Variants in GCLC observed in about 807,000 individuals in gnomAD.
GCLC encodes glutamate--cysteine ligase catalytic subunit.
In GCLC, 30 loss-of-function variants were observed where a neutral mutation model predicts 81.5. The ratio of observed to expected loss-of-function variants is 0.37; its 90% confidence interval spans 0.28 to 0.50. The LOEUF is 0.50. Among genes scored for constraint, GCLC ranks in the 20% least tolerant of loss-of-function variants. The pLI is 0.96. For missense variants in GCLC, 556 were observed against 777.4 expected (o/e 0.72, Z 3.39); for synonymous variants, 262 against 273.3 (o/e 0.96, Z 0.41).
In GCLC at chr6:53,516,174, C is replaced by T. The variant is rs1164475648; in HGVS notation, c.495G>A (p.Val165=). 1.9e-6 allele frequency: 3 copies of T among 1,613,822 alleles called. No individual in the cohort carries two copies. Among genetic ancestry groups the T allele is most frequent in the Non-Finnish European group, 2.5e-6 (3 of 1,179,862 alleles). ...AGAGGGACTTGGAAGCTCCTCCTTC[C>T]ACTGGGTTGGGTTTGACCTCGGGCA... ...FTLPEVKPNP[V]EGGASKSLFF... Residue 165 remains valine, a synonymous_variant, in exon 4 of 16, where the codon GTG becomes GTA. Coordinates refer to ENST00000650454, the MANE Select transcript of GCLC (RefSeq NM_001498.4).
intron 3 of GCLC, among the ~76,000 whole-genome samples, chr6:53,519,389 C>T (rs1388990980): frequency 1.3e-5 from 2 of 151,876 alleles, no homozygotes; most frequent in Non-Finnish European, 2.9e-5. Flanking sequence ...ATTCCTATTT[C>T]ACTCCTCCTG....
At chr6:53,541,043 C>T (rs566669592) in intron 1 of GCLC, among the ~76,000 whole-genome samples, 82 of 152,156 alleles carry the variant, frequency 5.4e-4, no homozygotes, top group African/African-American at 1.7e-3. Flanking sequence ...GGTGAAACCC[C>T]GATTCTACTA....
At chr6:53,511,759 G>A (rs1207041755) in intron 6 of GCLC, among the ~76,000 whole-genome samples, 1 of 140,226 alleles carries the variant, frequency 7.1e-6, no homozygotes, top group African/African-American at 2.6e-5. Context: ...GGCATCATAT[G>A]AAGGAGACAC....
In GCLC at chr6:53,497,979, C is replaced by A. The variant is rs1027821253; in HGVS notation, c.*777G>T. 6.7e-6 allele frequency: 1 copy of A among 148,766 alleles called. No homozygotes were observed. The highest frequency in any genetic ancestry group is 1.5e-5 in the Non-Finnish European group (1 of 67,364). The allele number at this position is 148,766 out of a possible 1,614,324, so 9.2% of individuals were successfully genotyped here. On this transcript the variant is annotated 3_prime_UTR_variant, in exon 16 of 16. Coordinates refer to ENST00000650454, the MANE Select transcript of GCLC (RefSeq NM_001498.4). ...AGGAAGAAAAATGATTGCCACCCCC[C>A]ACCCCTGCCGCCAACTTTTTTAGTT...
chr6:53,501,934 T>A (rs1764521654), intron 12 of GCLC, among the ~76,000 whole-genome samples: 1 of 152,254 alleles, frequency 6.6e-6, no homozygotes, highest in African/African-American at 2.4e-5. Context: ...TTTAAAGCTA[T>A]AATTTTTCCT....
Position 53,498,405 on chromosome 6 carries a change from A to C in GCLC, c.*351T>G, listed in dbSNP as rs1764418575. On this transcript the variant is annotated 3_prime_UTR_variant, in exon 16 of 16. Coordinates refer to ENST00000650454, the MANE Select transcript of GCLC (RefSeq NM_001498.4). Reference sequence around the variant, plus strand: ...TTTAAAAGAACAAAAATTTACAGTAAACATTTTAACTCTGGAATGCAAGTA... The same window carrying C: ...TTTAAAAGAACAAAAATTTACAGTACACATTTTAACTCTGGAATGCAAGTA... 1 of 210,094 alleles carries C rather than the reference A, an allele frequency of 4.8e-6. No homozygotes were observed. Among genetic ancestry groups the C allele is most frequent in the African/African-American group, 2.3e-5 (1 of 43,000 alleles). 13.0% of individuals were successfully genotyped at this position (210,094 alleles called of 1,614,324 possible). A position where few individuals can be genotyped will look rare whatever the true frequency, so the allele number is the denominator to read the frequency against.
rs1338522140 is a variant in GCLC at position 53,515,975 on chromosome 6, C to T, written c.560+134G>A. The T allele has an allele frequency of 1.6e-5, 11 of 678,054 alleles. No homozygotes were observed. The East Asian group carries it at 2.9e-4, about 18-fold the overall frequency. 42.0% of individuals were successfully genotyped at this position (678,054 alleles called of 1,614,324 possible). A position where few individuals can be genotyped will look rare whatever the true frequency, so the allele number is the denominator to read the frequency against. On this transcript the variant is annotated intron_variant, in intron 4 of 15. Coordinates refer to ENST00000650454, the MANE Select transcript of GCLC (RefSeq NM_001498.4). ...ATGTGAACAGGTGCACATCTGCTATCTTCTCTGGTTACTTAGGAAGAGAGC... is the reference window on the plus strand; with the variant it reads ...ATGTGAACAGGTGCACATCTGCTATTTTCTCTGGTTACTTAGGAAGAGAGC...
At chr6:53,541,909 C>G (rs1408947268) in intron 1 of GCLC, among the ~76,000 whole-genome samples, 5 of 152,236 alleles carry the variant, frequency 3.3e-5, no homozygotes, top group African/African-American at 1.2e-4. Context: ...TCACTGTCAC[C>G]CAGACTAGAG....
intron 12 of GCLC, among the ~76,000 whole-genome samples, chr6:53,502,993 G>A (rs1300607283): frequency 6.6e-6 from 1 of 152,188 alleles, no homozygotes; most frequent in Non-Finnish European, 1.5e-5. Flanking sequence ...GCACTAATGA[G>A]TATCTACCAT....
At position 53,497,816 on chromosome 6, in the gene GCLC, G is replaced by C. The variant is rs185495129; in HGVS notation, c.*940C>G. On this transcript the variant is annotated 3_prime_UTR_variant, in exon 16 of 16. Transcript: ENST00000650454. ...TAGAATATTCCCCAGGTAAAATCTG[G>C]AGTGAATGGCTTTTAGAGGAAAGTC... The C allele has an allele frequency of 6.6e-6, 1 of 152,622 alleles. No homozygotes were observed. Among genetic ancestry groups the C allele is most frequent in the African/African-American group, 2.4e-5 (1 of 41,526 alleles). 9.5% of individuals were successfully genotyped at this position (152,622 alleles called of 1,614,324 possible).
At chr6:53,500,780 T>C in intron 12 of GCLC, 2 of 502,680 alleles carry the variant, frequency 4.0e-6, no homozygotes, top group Non-Finnish European at 7.2e-6. Context: ...AACGTCTGCA[T>C]TTCAAAGCAC....
chr6:53,505,962 G>T lies in GCLC; in HGVS notation c.1198-67C>A. 3.4e-6 allele frequency: 3 copies of T among 887,422 alleles called. No homozygotes were observed. The South Asian group carries it at 3.9e-5, about 12-fold the overall frequency. The allele number at this position is 887,422 out of a possible 1,614,324, so 55.0% of individuals were successfully genotyped here. A position where few individuals can be genotyped will look rare whatever the true frequency, so the allele number is the denominator to read the frequency against. ...TCCAGGAAAATATTAAGATGATCTG[G>T]TATTTAATTAAGGAAGAAGACTGCT... is the stretch of plus-strand genomic sequence containing the variant. On this transcript the variant is annotated intron_variant, in intron 10 of 15. Coordinates refer to ENST00000650454, the MANE Select transcript of GCLC (RefSeq NM_001498.4).
Position 53,506,736 on chromosome 6 carries a change from C to A in GCLC, c.1197+177G>T. The A allele has an allele frequency of 1.7e-6, 1 of 588,312 alleles. No homozygotes were observed. The highest frequency in any genetic ancestry group is 2.1e-5 in the South Asian group (1 of 46,550). The allele number at this position is 588,312 out of a possible 1,614,324, so 36.4% of individuals were successfully genotyped here. A position where few individuals can be genotyped will look rare whatever the true frequency, so the allele number is the denominator to read the frequency against. On this transcript the variant is annotated intron_variant, in intron 10 of 15. Transcript: ENST00000650454. The surrounding 1 kb of genome is among the most constrained non-coding windows in gnomAD (Gnocchi z 4.0). ...ACTTGAAACCGATTTTTTATTTGTCCAAGTTCTTTACTGCACTGGGTAAAT... is the reference window on the plus strand; with the variant it reads ...ACTTGAAACCGATTTTTTATTTGTCAAAGTTCTTTACTGCACTGGGTAAAT...
chr6:53,498,862 A>C lies in GCLC; in HGVS notation c.1808T>G (p.Leu603Trp). 2 of 1,612,710 alleles carry C rather than the reference A, an allele frequency of 1.2e-6. No homozygotes were observed. Among genetic ancestry groups the C allele is most frequent in the Non-Finnish European group, 1.7e-6 (2 of 1,178,662 alleles). Residue 603 changes from leucine to tryptophan, a missense_variant, in exon 16 of 16, where the codon TTG becomes TGG. Physicochemically the swap from Leu to Trp is moderately conservative, Grantham distance 61 (BLOSUM62 -2). Coordinates refer to ENST00000650454, the MANE Select transcript of GCLC (RefSeq NM_001498.4). ...ITDEMNYSLI[L>W]KCNQIANELC... ...TTCATTTGCAATTTGGTTACACTTCAAAATAAGGCTATAATTCATTTCATC... is the reference window on the plus strand; with the variant it reads ...TTCATTTGCAATTTGGTTACACTTCCAAATAAGGCTATAATTCATTTCATC...
At chr6:53,522,093 T>A (rs1311135854) in intron 2 of GCLC, among the ~76,000 whole-genome samples, 1 of 152,280 alleles carries the variant, frequency 6.6e-6, no homozygotes, top group Non-Finnish European at 1.5e-5. Context: ...CAAAAATGTT[T>A]TAATAAAAAA....
At chr6:53,509,295 A>G in intron 6 of GCLC, 45 bp from the exon 7 acceptor site, 1 of 1,144,904 alleles carries the variant, frequency 8.7e-7, no homozygotes, top group South Asian at 1.2e-5. Context: ...AATCATTAGC[A>G]TGCTCCCCAA....
intron 12 of GCLC, chr6:53,500,892 G>A (rs1383920842): frequency 3.0e-6 from 1 of 338,126 alleles, no homozygotes; most frequent in African/African-American, 2.1e-5. Context: ...GGTAACGAAG[G>A]CAGAAGGCAG....
Position 53,544,862 on chromosome 6 carries a change from C to T in GCLC, c.-217G>A, listed in dbSNP as rs1460114133. 4 of 408,712 alleles carry T rather than the reference C, an allele frequency of 9.8e-6. No homozygotes were observed. The highest frequency in any genetic ancestry group is 4.3e-6 in the Non-Finnish European group (1 of 232,852). The allele number at this position is 408,712 out of a possible 1,614,324, so 25.3% of individuals were successfully genotyped here. ...GACAGACCCTGGGTCCGACGCACCG[C>T]GCGGAGGCGAAGGCAGAAGACCGAG... is the stretch of plus-strand genomic sequence containing the variant. On this transcript the variant is annotated 5_prime_UTR_variant, in exon 1 of 16. Coordinates refer to ENST00000650454, the MANE Select transcript of GCLC (RefSeq NM_001498.4).
chr6:53,507,728 TA>T (rs1463949985), intron 8 of GCLC, 110 bp from the exon 9 acceptor site: 2 of 478,212 alleles, frequency 4.2e-6, no homozygotes, highest in Non-Finnish European at 7.1e-6. Context: ...GAAAAAAAGT[TA>T]GTGAGCCCTA....
Sources: gnomAD v4.1 joint callset for allele counts (sites outside exome capture counted in the v4.1 genomes callset) on GRCh38, gnomAD v4.1.1 for gene constraint, Gnocchi (gnomAD v3.1) non-coding constraint, MANE v1.5 for transcripts, NCBI Gene and HGNC (gene_info 2026-07-23, HGNC 2026-07-21) for gene names.